HS2ST1: variants seen among roughly 807,000 people sequenced by gnomAD.
HS2ST1 encodes the protein heparan sulfate 2-O-sulfotransferase 1, also known as 2-O-sulfotransferase.
Under a neutral mutation model 42.9 loss-of-function variants are expected in HS2ST1, and 18 were observed. That is an observed-to-expected ratio of 0.42 (90% CI 0.29 to 0.62). The LOEUF is 0.62. Among genes scored for constraint, HS2ST1 ranks in the 20% least tolerant of loss-of-function variants. The probability of loss-of-function intolerance (pLI) is 0.21; values close to 1 mark genes in which losing one functional copy is unlikely to be tolerated. For missense variants in HS2ST1, 334 were observed against 433.8 expected, an observed-to-expected ratio of 0.77 and a Z score of 2.04; for synonymous variants, 146 against 152.9, an observed-to-expected ratio of 0.95 and a Z score of 0.33.
intron 1 of HS2ST1, among the ~76,000 whole-genome samples, chr1:87,044,469 TA>T (rs1268578781): frequency 6.6e-6 from 1 of 152,212 alleles, no homozygotes; most frequent in Non-Finnish European, 1.5e-5. Flanking sequence ...ATTTAACATT[TA>T]AAAACAAGTT....
chr1:86,936,233 AT>A (rs1660650785), intron 1 of HS2ST1, among the ~76,000 whole-genome samples: 1 of 151,842 alleles, frequency 6.6e-6, no homozygotes, highest in African/African-American at 2.4e-5. Context: ...TTATTTTTAA[AT>A]TTTTTCTCTT....
At chr1:86,985,681 A>G (rs1364464856) in intron 1 of HS2ST1, among the ~76,000 whole-genome samples, 1 of 151,844 alleles carries the variant, frequency 6.6e-6, no homozygotes, top group East Asian at 1.9e-4. Flanking sequence ...GTTTGCTTGA[A>G]AAATACCTGG....
At chr1:86,990,878 C>G (rs1168880347) in intron 1 of HS2ST1, among the ~76,000 whole-genome samples, 10 of 115,346 alleles carry the variant, frequency 8.7e-5, no homozygotes, top group African/African-American at 3.2e-4. Context: ...TGGGGTTTCT[C>G]CATGTTGGTC....
intron 1 of HS2ST1, among the ~76,000 whole-genome samples, chr1:86,963,907 C>A (rs574730327): frequency 1.9e-4 from 29 of 150,478 alleles, no homozygotes; most frequent in Middle Eastern, 7.1e-3. Flanking sequence ...GGCTGCCCCC[C>A]ACCTCCCGGA....
intron 3 of HS2ST1, among the ~76,000 whole-genome samples, chr1:87,092,041 A>G (rs1189320529): frequency 6.6e-6 from 1 of 152,058 alleles, no homozygotes; most frequent in Non-Finnish European, 1.5e-5. Context: ...GAAGTGAGAA[A>G]TCATTGCTAC....
At chr1:87,061,337 C>G (rs1651116544) in intron 1 of HS2ST1, among the ~76,000 whole-genome samples, 1 of 152,092 alleles carries the variant, frequency 6.6e-6, no homozygotes, top group Non-Finnish European at 1.5e-5. Context: ...AGCACCATCT[C>G]TATCTAGTTC....
intron 1 of HS2ST1, among the ~76,000 whole-genome samples, chr1:87,024,072 G>A (rs1408176746): frequency 1.3e-5 from 2 of 152,110 alleles, no homozygotes; most frequent in Non-Finnish European, 2.9e-5. Flanking sequence ...TAATATAAGA[G>A]CATACCAATA....
chr1:86,915,659 G>A (rs1660134967), intron 1 of HS2ST1, among the ~76,000 whole-genome samples: 1 of 152,156 alleles, frequency 6.6e-6, no homozygotes, highest in South Asian at 2.1e-4. Context: ...CTGGGATGAC[G>A]GAGAGCAACA....
At chr1:86,970,494 G>A (rs540640612) in intron 1 of HS2ST1, among the ~76,000 whole-genome samples, 7 of 152,144 alleles carry the variant, frequency 4.6e-5, no homozygotes, top group African/African-American at 9.6e-5. Flanking sequence ...TCCACCTCCC[G>A]GGTTCAAGTG....
chr1:86,929,632 A>AT (rs1660499540), intron 1 of HS2ST1, among the ~76,000 whole-genome samples: 1 of 151,824 alleles, frequency 6.6e-6, no homozygotes, highest in South Asian at 2.1e-4. Flanking sequence ...GCATGTGTAT[A>AT]TGTATGTGTT....
At chr1:87,093,646 T>C (rs1651998683) in intron 4 of HS2ST1, among the ~76,000 whole-genome samples, 1 of 152,130 alleles carries the variant, frequency 6.6e-6, no homozygotes, top group South Asian at 2.1e-4. Flanking sequence ...TTAATTCATC[T>C]TCGTTTCCTC....
chr1:86,973,106 A>G (rs942797874), intron 1 of HS2ST1, among the ~76,000 whole-genome samples: 2 of 152,174 alleles, frequency 1.3e-5, no homozygotes, highest in African/African-American at 2.4e-5. Context: ...CTGTAAAGCT[A>G]TCTTTCCATT....
Position 86,915,159 on chromosome 1 carries a change from A to G in HS2ST1, c.123A>G (p.Leu41=). ...IQKLEESRSK[L]ERAIARHEVR... is the part of the protein sequence containing the mutation. ...AACTGGAGGAGTCCCGCTCGAAGCTAGGTGAGGAACTGAACTGCCCCGGGC... is the reference window on the plus strand; with the variant it reads ...AACTGGAGGAGTCCCGCTCGAAGCTGGGTGAGGAACTGAACTGCCCCGGGC... Residue 41 remains leucine (L), a splice_region_variant and synonymous_variant, in exon 1 of 7, where the codon CTA becomes CTG. Transcript: ENST00000370550. The G allele has an allele frequency of 2.5e-6, 4 of 1,613,144 alleles. No homozygotes were observed. Among genetic ancestry groups the G allele is most frequent in the Non-Finnish European group, 3.4e-6 (4 of 1,179,394 alleles).
chr1:86,950,451 C>G (rs1002087730), intron 1 of HS2ST1, among the ~76,000 whole-genome samples: 29 of 152,082 alleles, frequency 1.9e-4, no homozygotes, highest in Non-Finnish European at 2.1e-4. Flanking sequence ...GCAGTGGATC[C>G]TGCATTGGGT....
At chr1:86,977,138 AC>A (rs1255734087) in intron 1 of HS2ST1, among the ~76,000 whole-genome samples, 4 of 152,210 alleles carry the variant, frequency 2.6e-5, no homozygotes, top group African/African-American at 9.6e-5. Flanking sequence ...TACTTTGATT[AC>A]ATTAAATTTC....
chr1:87,033,600 A>G (rs541330097), intron 1 of HS2ST1, among the ~76,000 whole-genome samples: 5 of 152,048 alleles, frequency 3.3e-5, no homozygotes, highest in East Asian at 3.9e-4. Context: ...CTGGAGTGCA[A>G]TGGCAAGATC....
chr1:87,060,982 T>C (rs1400483878), intron 1 of HS2ST1, among the ~76,000 whole-genome samples: 1 of 152,126 alleles, frequency 6.6e-6, no homozygotes, highest in Admixed American at 6.5e-5. Context: ...CAGATGAAGT[T>C]GTGAAAGAAA....
intron 1 of HS2ST1, among the ~76,000 whole-genome samples, chr1:87,031,188 G>C (rs997001732): frequency 6.6e-6 from 1 of 152,008 alleles, no homozygotes; most frequent in South Asian, 2.1e-4. Flanking sequence ...CAATCTGCCC[G>C]CCTCAGCCTC....
chr1:87,092,434 A>G lies in HS2ST1; in HGVS notation c.450-97A>G, dbSNP rs1042095371. On this transcript the variant is annotated intron_variant, in intron 3 of 6. Transcript: ENST00000370550. ...AATTAATTCATGTTCTTTTTTCCTTATAGGACCAGTACTTCAGACTTAAAC... is the reference window on the plus strand; with the variant it reads ...AATTAATTCATGTTCTTTTTTCCTTGTAGGACCAGTACTTCAGACTTAAAC... 5 of 659,464 alleles carry G rather than the reference A, an allele frequency of 7.6e-6. No homozygotes were observed. The South Asian group carries it at 2.5e-4, about 33-fold the overall frequency. 40.9% of individuals were successfully genotyped at this position (659,464 alleles called of 1,614,324 possible).
Sources: gnomAD v4.1 joint callset for allele counts (sites outside exome capture counted in the v4.1 genomes callset) on GRCh38, gnomAD v4.1.1 for gene constraint, MANE v1.5 for transcripts, NCBI Gene and HGNC (gene_info 2026-07-23, HGNC 2026-07-21) for gene names.